Variants in HPCAL1 observed in about 807,000 individuals in gnomAD.
HPCAL1 encodes the protein hippocalcin like 1, also known as hippocalcin-like protein 1.
In HPCAL1, 8 loss-of-function variants were observed where a neutral mutation model predicts 17.1. The ratio of observed to expected loss-of-function variants is 0.47; its 90% CI spans 0.27 to 0.84. HPCAL1 has a LOEUF of 0.84. Among genes scored for constraint, HPCAL1 ranks in the 40% least tolerant of loss-of-function variants. HPCAL1 has a pLI of 0.13. For missense variants in HPCAL1, 165 were observed against 271.1 expected (o/e 0.61, Z 2.75); for synonymous variants, 112 against 111.4 (o/e 1.01, Z -0.03).
intron 1 of HPCAL1, among the ~76,000 whole-genome samples, chr2:10,386,497 C>A (rs571192854): frequency 1.1e-4 from 16 of 152,232 alleles, no homozygotes; most frequent in South Asian, 1.0e-3. Flanking sequence ...AAGACCCCCC[C>A]CCAGGTTACA....
At chr2:10,316,032 C>A (rs1476707992) in intron 1 of HPCAL1, among the ~76,000 whole-genome samples, 1 of 152,106 alleles carries the variant, frequency 6.6e-6, no homozygotes, top group Non-Finnish European at 1.5e-5. Context: ...CCAGAGTCTT[C>A]CAGGAAATTT....
intron 2 of HPCAL1, among the ~76,000 whole-genome samples, chr2:10,411,273 G>A (rs1044541988): frequency 6.6e-6 from 1 of 152,172 alleles, no homozygotes; most frequent in Non-Finnish European, 1.5e-5. Flanking sequence ...GAGGTTACAG[G>A]ACAATGGGAA....
At chr2:10,325,664 G>A (rs984238877) in intron 1 of HPCAL1, among the ~76,000 whole-genome samples, 2 of 152,048 alleles carry the variant, frequency 1.3e-5, no homozygotes, top group Non-Finnish European at 2.9e-5. Context: ...TTATTTCAGG[G>A]CATCCCTGCA....
chr2:10,371,054 T>A (rs1040142965), intron 1 of HPCAL1, among the ~76,000 whole-genome samples: 1 of 152,116 alleles, frequency 6.6e-6, no homozygotes. Context: ...CAGGGTCCAG[T>A]GACCTGGCAT....
intron 1 of HPCAL1, among the ~76,000 whole-genome samples, chr2:10,361,646 A>C (rs755679180): frequency 3.9e-5 from 6 of 152,212 alleles, no homozygotes; most frequent in Admixed American, 6.5e-5. Context: ...TTTGATAATC[A>C]CATAAATAAC....
At chr2:10,328,381 A>G (rs766127485) in intron 1 of HPCAL1, among the ~76,000 whole-genome samples, 1 of 152,232 alleles carries the variant, frequency 6.6e-6, no homozygotes, top group Non-Finnish European at 1.5e-5. Context: ...CGTCAGCCTG[A>G]CTGAGCCAAG....
At chr2:10,393,840 C>T (rs984974493) in intron 1 of HPCAL1, among the ~76,000 whole-genome samples, 1 of 151,540 alleles carries the variant, frequency 6.6e-6, no homozygotes, top group Non-Finnish European at 1.5e-5. Context: ...TAGGCCCGGG[C>T]GTGGTGGCTC....
At chr2:10,398,897 A>C (rs1470519389) in intron 2 of HPCAL1, among the ~76,000 whole-genome samples, 1 of 152,068 alleles carries the variant, frequency 6.6e-6, no homozygotes, top group Non-Finnish European at 1.5e-5. Flanking sequence ...ACACAACTGC[A>C]TGTGAAGGGG....
At chr2:10,317,531 C>T (rs1347122687) in intron 1 of HPCAL1, among the ~76,000 whole-genome samples, 1 of 151,884 alleles carries the variant, frequency 6.6e-6, no homozygotes, top group East Asian at 1.9e-4. Flanking sequence ...AATTCTCCTG[C>T]CTCAACCTCC....
chr2:10,364,305 T>C (rs1304358004), intron 1 of HPCAL1, among the ~76,000 whole-genome samples: 1 of 152,050 alleles, frequency 6.6e-6, no homozygotes, highest in African/African-American at 2.4e-5. Flanking sequence ...TCTTGAACAG[T>C]AAGGACTGGC....
At chr2:10,349,088 G>A (rs1185065250) in intron 1 of HPCAL1, among the ~76,000 whole-genome samples, 1 of 152,004 alleles carries the variant, frequency 6.6e-6, no homozygotes, top group Non-Finnish European at 1.5e-5. Flanking sequence ...TGGCACAGGG[G>A]CATGTTCTTG....
chr2:10,419,984 G>A lies in HPCAL1; in HGVS notation c.227G>A (p.Gly76Asp). The change falls in exon 3 of 5, where the codon GGC becomes GAC. Residue 76 changes from glycine to aspartate, a missense_variant. Transcript: ENST00000307845. This position sits in a 1 kb window ranked among gnomAD's most constrained non-coding sequence, Gnocchi z 5.0. ...EHVFRTFDTN[G>D]DGTIDFREFI... ...GTCTTCCGCACCTTCGACACCAACGGCGACGGCACCATCGACTTCCGGGAG... is the reference window on the plus strand; with the variant it reads ...GTCTTCCGCACCTTCGACACCAACGACGACGGCACCATCGACTTCCGGGAG... 6.2e-7 allele frequency: 1 copy of A among 1,613,998 alleles called. No homozygotes were observed. The highest frequency in any genetic ancestry group is 1.3e-5 in the African/African-American group (1 of 75,060).
rs146803341 is a variant in HPCAL1 at position 10,344,637 on chromosome 2, C to T, written c.-111+41460C>T. 1.7e-3 allele frequency among the ~76,000 whole-genome samples: 264 copies of T among 152,284 alleles called. 1 individual carries two copies. The highest frequency in any genetic ancestry group is 3.4e-3 in the Middle Eastern group (1 of 294). On this transcript the variant is annotated intron_variant, in intron 1 of 4. Transcript: ENST00000307845. The surrounding 1 kb of genome is among the most constrained non-coding windows in gnomAD (Gnocchi z 4.9). ...ATATTTTATAATCAAATGAGTAAGA[C>T]GGGCGTCCCACACTCCACAGTACTC...
chr2:10,337,940 C>T (rs1050920210), intron 1 of HPCAL1, among the ~76,000 whole-genome samples: 1 of 152,200 alleles, frequency 6.6e-6, no homozygotes, highest in Non-Finnish European at 1.5e-5. Context: ...ATTTAGGTAT[C>T]ACTGACTATC....
In HPCAL1 at chr2:10,354,789, T is replaced by C. The variant is rs978905136; in HGVS notation, c.-110-42046T>C. Among the ~76,000 whole-genome samples the C allele has an allele frequency of 1.3e-5, 2 of 152,264 alleles. No individual in the cohort carries two copies. The highest frequency in any genetic ancestry group is 2.9e-5 in the Non-Finnish European group (2 of 68,054). On this transcript the variant is annotated intron_variant, in intron 1 of 4. Transcript: ENST00000307845. This position sits in a 1 kb window ranked among gnomAD's most constrained non-coding sequence, Gnocchi z 5.1. Reference sequence around the variant, plus strand: ...CTTATTGTACAAATGCCCTGGGTTTTCCAAACGTGTCTGATCTTAAATACA... The same window carrying C: ...CTTATTGTACAAATGCCCTGGGTTTCCCAAACGTGTCTGATCTTAAATACA...
In HPCAL1 at chr2:10,377,568, G is replaced by T. The variant is rs13417985; in HGVS notation, c.-110-19267G>T. On this transcript the variant is annotated intron_variant, in intron 1 of 4. Transcript: ENST00000307845. The surrounding 1 kb of genome is among the most constrained non-coding windows in gnomAD (Gnocchi z 5.9). ...TCCACCCTCTGTCGGCAGGGCCCCTGCCACCTCTGAAGCCCCCTGCCAGCT... is the reference window on the plus strand; with the variant it reads ...TCCACCCTCTGTCGGCAGGGCCCCTTCCACCTCTGAAGCCCCCTGCCAGCT... Among the ~76,000 whole-genome samples, 15,922 of 151,818 alleles carry T rather than the reference G, an allele frequency of 0.1. 1,723 individuals are homozygous for T. Among genetic ancestry groups the T allele is most frequent in the East Asian group, 0.47 (2,413 of 5,098 alleles).
chr2:10,359,021 ATGCTCCCCTTGAGGTTTGACCCG>A lies in HPCAL1; in HGVS notation c.-110-37812_-110-37790del. On this transcript the variant is annotated intron_variant, in intron 1 of 4. Coordinates refer to ENST00000307845, the MANE Select transcript of HPCAL1 (RefSeq NM_002149.4). This position sits in a 1 kb window ranked among gnomAD's most constrained non-coding sequence, Gnocchi z 4.1. ...GGAGCCCCACAGCCTGCCCGTCTGC[ATGCTCCCCTTGAGGTTTGACCCG>A]TCTGCATGCTCCCCTCGAGGTTTGA... Among the ~76,000 whole-genome samples the A allele has an allele frequency of 6.8e-6, 1 of 146,586 alleles. No individual in the cohort carries two copies. The highest frequency in any genetic ancestry group is 2.7e-5 in the African/African-American group (1 of 36,878).
At position 10,423,028 on chromosome 2, in the gene HPCAL1, G is replaced by A; in HGVS notation, c.424G>A (p.Glu142Lys). ...GTCTGTGATGAAGATGCCGGAGGAT[G>A]AGTCCACCCCGGAGAAGCGCACAGA... ...VSSVMKMPEDESTPEKRTDKI... is the reference protein window; with the variant it reads ...VSSVMKMPEDKSTPEKRTDKI... The change falls in exon 4 of 5, where the codon GAG becomes AAG. Residue 142 changes from glutamate (E) to lysine (K), a missense_variant. Physicochemically the swap from Glu to Lys is moderately conservative, Grantham distance 56. Transcript: ENST00000307845. The A allele has an allele frequency of 1.2e-6, 2 of 1,613,640 alleles. No individual in the cohort carries two copies. The highest frequency in any genetic ancestry group is 1.3e-5 in the African/African-American group (1 of 75,074).
chr2:10,336,391 G>C (rs942802644), intron 1 of HPCAL1, among the ~76,000 whole-genome samples: 2 of 152,178 alleles, frequency 1.3e-5, no homozygotes, highest in East Asian at 3.8e-4. Context: ...GCAGCGTATT[G>C]AGAATGTTCT....
Sources: gnomAD v4.1 joint callset for allele counts (sites outside exome capture counted in the v4.1 genomes callset) on GRCh38, gnomAD v4.1.1 for gene constraint, Gnocchi (gnomAD v3.1) non-coding constraint, MANE v1.5 for transcripts, NCBI Gene and HGNC (gene_info 2026-07-23, HGNC 2026-07-21) for gene names.